EYA1: variants seen among roughly 807,000 people sequenced by gnomAD.
EYA1 encodes the protein protein phosphatase EYA1.
A neutral mutation model predicts 82.0 loss-of-function variants in EYA1; 16 were observed. The ratio of observed to expected loss-of-function variants is 0.20; its 90% CI spans 0.13 to 0.30. The LOEUF (loss-of-function observed/expected upper bound fraction) is 0.30. Ranked by LOEUF, EYA1 falls within the 10% of genes least tolerant of loss-of-function variation. EYA1 has a pLI of 1.00. For missense variants in EYA1, 633 were observed against 730.7 expected (o/e 0.87, Z 1.54); for synonymous variants, 261 against 264.4 (o/e 0.99, Z 0.12).
intron 9 of EYA1, among the ~76,000 whole-genome samples, chr8:71,290,625 A>G (rs1320139191): frequency 2.0e-5 from 3 of 152,180 alleles, no homozygotes; most frequent in African/African-American, 4.8e-5. Context: ...AACCAGTAAC[A>G]AGGCACAAAA....
chr8:71,328,731 T>C (rs1402153347), intron 4 of EYA1, among the ~76,000 whole-genome samples: 1 of 152,190 alleles, frequency 6.6e-6, no homozygotes, highest in Non-Finnish European at 1.5e-5. Context: ...TCCTGGACAC[T>C]GCCTACATTT....
chr8:71,340,112 T>C (rs1267235009), intron 3 of EYA1, among the ~76,000 whole-genome samples: 1 of 152,228 alleles, frequency 6.6e-6, no homozygotes, highest in Non-Finnish European at 1.5e-5. Flanking sequence ...CAAATATTTA[T>C]ATTTTCATAA....
chr8:71,308,503 G>T (rs187458684), intron 7 of EYA1, among the ~76,000 whole-genome samples: 89 of 152,166 alleles, frequency 5.8e-4, no homozygotes, highest in African/African-American at 2.0e-3. Context: ...TCCTATATGG[G>T]ACATGCAGTT....
At chr8:71,252,784 A>G (rs951132019) in intron 11 of EYA1, among the ~76,000 whole-genome samples, 1 of 152,208 alleles carries the variant, frequency 6.6e-6, no homozygotes, top group Admixed American at 6.5e-5. Context: ...CTATTCTTCA[A>G]AAAAATCAAT....
At chr8:71,413,434 T>A (rs573374692) in intron 2 of EYA1, among the ~76,000 whole-genome samples, 4 of 152,232 alleles carry the variant, frequency 2.6e-5, no homozygotes, top group Non-Finnish European at 5.9e-5. Flanking sequence ...TAGCCTTTTT[T>A]AAATCAGAAA....
intron 11 of EYA1, among the ~76,000 whole-genome samples, chr8:71,251,669 T>C (rs988764588): frequency 3.3e-5 from 5 of 152,166 alleles, no homozygotes; most frequent in African/African-American, 1.2e-4. Context: ...AAAACAATTG[T>C]TTTGCCTTCA....
At chr8:71,311,386 ACT>A (rs967316444) in intron 7 of EYA1, among the ~76,000 whole-genome samples, 10 of 152,180 alleles carry the variant, frequency 6.6e-5, no homozygotes, top group African/African-American at 1.7e-4. Flanking sequence ...ACACGCACAA[ACT>A]CACACACAAC....
chr8:71,513,643 ATTAAG>A (rs1812762085), intron 2 of EYA1, among the ~76,000 whole-genome samples: 1 of 152,068 alleles, frequency 6.6e-6, no homozygotes, highest in African/African-American at 2.4e-5. Context: ...AAAATATACA[ATTAAG>A]TTATCATTGA....
At chr8:71,319,362 C>T (rs964573626) in intron 6 of EYA1, among the ~76,000 whole-genome samples, 3 of 152,016 alleles carry the variant, frequency 2.0e-5, no homozygotes, top group Non-Finnish European at 4.4e-5. Flanking sequence ...GATCTCCTGA[C>T]CTCATGATCC....
intron 2 of EYA1, among the ~76,000 whole-genome samples, chr8:71,423,690 T>C (rs1436386319): frequency 2.0e-5 from 3 of 152,208 alleles, no homozygotes; most frequent in African/African-American, 7.2e-5. Context: ...GTTTCAAATA[T>C]ACAATACCAC....
At chr8:71,309,441 GC>G (rs1821094969) in intron 7 of EYA1, among the ~76,000 whole-genome samples, 1 of 151,976 alleles carries the variant, frequency 6.6e-6, no homozygotes, top group Admixed American at 6.6e-5. Flanking sequence ...CAATTAAGGG[GC>G]AATTCTGCAC....
chr8:71,420,864 C>T (rs1831109692), intron 2 of EYA1, among the ~76,000 whole-genome samples: 1 of 152,152 alleles, frequency 6.6e-6, no homozygotes, highest in Non-Finnish European at 1.5e-5. Context: ...AGGTAACAAA[C>T]ACCACAAAAT....
chr8:71,289,536 G>A (rs1397654254), intron 9 of EYA1, among the ~76,000 whole-genome samples: 1 of 152,044 alleles, frequency 6.6e-6, no homozygotes, highest in Non-Finnish European at 1.5e-5. Flanking sequence ...TCATTTTTCT[G>A]CTCCTTTGAA....
intron 2 of EYA1, among the ~76,000 whole-genome samples, chr8:71,509,555 C>A (rs551730561): frequency 1.8e-4 from 28 of 152,206 alleles, no homozygotes; most frequent in African/African-American, 6.5e-4. Flanking sequence ...AAAATGTATT[C>A]TTTGGCACCA....
intron 17 of EYA1, among the ~76,000 whole-genome samples, chr8:71,209,039 T>C (rs1016799299): frequency 6.6e-5 from 10 of 152,354 alleles, no homozygotes; most frequent in Admixed American, 2.0e-4. Context: ...TATTAAACTT[T>C]CTGGTAGATA....
At chr8:71,211,289 A>G (rs538503157) in intron 16 of EYA1, 33 bp from the exon 17 acceptor site, 2 of 1,425,520 alleles carry the variant, frequency 1.4e-6, no homozygotes, top group East Asian at 4.6e-5. Flanking sequence ...AGAAAATGTG[A>G]AGTTTGGGTA....
intron 12 of EYA1, among the ~76,000 whole-genome samples, chr8:71,231,920 T>A (rs981551523): frequency 2.6e-5 from 4 of 152,158 alleles, no homozygotes; most frequent in Non-Finnish European, 5.9e-5. Flanking sequence ...AAGAATACAG[T>A]CAAGAAAGCC....
intron 2 of EYA1, among the ~76,000 whole-genome samples, chr8:71,391,776 G>C (rs1829292859): frequency 6.6e-6 from 1 of 152,114 alleles, no homozygotes; most frequent in East Asian, 1.9e-4. Flanking sequence ...TTGGACAGTG[G>C]TTCATACTGT....
chr8:71,343,426 C>T (rs375064689), intron 3 of EYA1, among the ~76,000 whole-genome samples: 7 of 152,260 alleles, frequency 4.6e-5, no homozygotes, highest in Admixed American at 2.6e-4. Context: ...TCCACCCTCA[C>T]GAATGTATTA....
Sources: allele counts gnomAD v4.1 joint callset (sites outside exome capture counted in the v4.1 genomes callset), GRCh38; gene constraint gnomAD v4.1.1; transcripts MANE v1.5; gene names NCBI Gene and HGNC (gene_info 2026-07-23, HGNC 2026-07-21).